The following ABHD12 variants were observed in gnomAD, a reference collection of about 807,000 sequenced individuals.
ABHD12 encodes abhydrolase domain containing 12, lysophospholipase.
In ABHD12, 43 loss-of-function variants were observed where a neutral mutation model predicts 58.3. That is an observed-to-expected ratio of 0.74 (90% confidence interval 0.58 to 0.95). The LOEUF is 0.95. Ranked by LOEUF, ABHD12 falls within the 40% of genes least tolerant of loss-of-function variation. ABHD12 has a pLI of 0.00. For missense variants in ABHD12, 539 were observed against 537.2 expected (o/e 1.00, Z -0.03); for synonymous variants, 219 against 211.2 (o/e 1.04, Z -0.32).
intron 11 of ABHD12, among the ~76,000 whole-genome samples, chr20:25,302,781 T>A (rs2088661503): frequency 6.6e-6 from 1 of 152,200 alleles, no homozygotes; most frequent in South Asian, 2.1e-4. Flanking sequence ...AGCTGTGCGC[T>A]GCTGGGCGGC....
intron 1 of ABHD12, among the ~76,000 whole-genome samples, chr20:25,356,939 A>G (rs2089676867): frequency 6.6e-6 from 1 of 152,212 alleles, no homozygotes; most frequent in Admixed American, 6.5e-5. Flanking sequence ...GCTCAAGGCC[A>G]GCCTGGGCAA....
intron 5 of ABHD12, among the ~76,000 whole-genome samples, chr20:25,315,762 C>T (rs1408563394): frequency 1.3e-5 from 2 of 152,190 alleles, no homozygotes; most frequent in Non-Finnish European, 2.9e-5. Context: ...CTCTCCCCAC[C>T]TTTCCTGACT....
At chr20:25,382,750 C>T (rs984071917) in intron 1 of ABHD12, among the ~76,000 whole-genome samples, 3 of 152,130 alleles carry the variant, frequency 2.0e-5, no homozygotes, top group Non-Finnish European at 4.4e-5. Context: ...CCATAGAAGG[C>T]GGACACTCCC....
At chr20:25,349,849 G>T (rs2089574670) in intron 1 of ABHD12, among the ~76,000 whole-genome samples, 1 of 152,192 alleles carries the variant, frequency 6.6e-6, no homozygotes, top group African/African-American at 2.4e-5. Flanking sequence ...CAATGTGAAA[G>T]TATTTAATGC....
intron 10 of ABHD12, among the ~76,000 whole-genome samples, chr20:25,305,524 G>A (rs6132826): frequency 0.4 from 61,386 of 151,640 alleles, 13,498 homozygotes; most frequent in East Asian, 0.92. Context: ...CACCACACCC[G>A]GCTAATTTTT....
intron 1 of ABHD12, among the ~76,000 whole-genome samples, chr20:25,382,151 G>C (rs935133278): frequency 1.3e-5 from 2 of 152,202 alleles, no homozygotes; most frequent in East Asian, 1.9e-4. Flanking sequence ...ACCCAAGCCA[G>C]AGAATCTGAA....
intron 1 of ABHD12, among the ~76,000 whole-genome samples, chr20:25,366,967 T>C (rs1260518700): frequency 6.6e-6 from 1 of 152,214 alleles, no homozygotes; most frequent in Non-Finnish European, 1.5e-5. Context: ...TTTTTTTTCT[T>C]TTTTGAATAT....
At chr20:25,324,696 G>C (rs1042591112) in intron 2 of ABHD12, among the ~76,000 whole-genome samples, 1 of 152,168 alleles carries the variant, frequency 6.6e-6, no homozygotes, top group Non-Finnish European at 1.5e-5. Context: ...CGAGGACATG[G>C]GGACATACAC....
chr20:25,295,781 G>C, downstream of ABHD12: 1 of 1,253,220 alleles, frequency 8.0e-7, no homozygotes, highest in Non-Finnish European at 1.2e-6. Flanking sequence ...CTGGGCCAGA[G>C]GGGTTTGTGA....
intron 1 of ABHD12, chr20:25,368,874 TC>T: frequency 2.3e-6 from 1 of 435,854 alleles, no homozygotes; most frequent in African/African-American, 2.0e-5. Flanking sequence ...TGCCTGTAAT[TC>T]CAGTGCTTTG....
At chr20:25,358,637 C>G (rs573412443) in intron 1 of ABHD12, among the ~76,000 whole-genome samples, 1 of 152,332 alleles carries the variant, frequency 6.6e-6, no homozygotes, top group African/African-American at 2.4e-5. Context: ...GGTACAAACT[C>G]CACATCTGCA....
intron 1 of ABHD12, among the ~76,000 whole-genome samples, chr20:25,373,702 A>G (rs1019136453): frequency 1.3e-5 from 2 of 149,298 alleles, no homozygotes; most frequent in Non-Finnish European, 3.0e-5. Context: ...TTTATCACTG[A>G]TTTTGAGCAA....
chr20:25,298,390 C>T (rs377356684), downstream of ABHD12, among the ~76,000 whole-genome samples: 8 of 152,180 alleles, frequency 5.3e-5, no homozygotes, highest in Admixed American at 2.6e-4. Context: ...CTCAGCCTCC[C>T]GAGTAGCTGG....
At chr20:25,380,739 T>TGTCCTAACTCATTGCCCAG (rs2090012491) in intron 1 of ABHD12, among the ~76,000 whole-genome samples, 1 of 152,168 alleles carries the variant, frequency 6.6e-6, no homozygotes, top group South Asian at 2.1e-4. Flanking sequence ...CTGACTCCTC[T>TGTCCTAACTCATTGCCCAG]GTCCTGACTT....
chr20:25,327,073 C>T (rs2089188883), intron 2 of ABHD12, among the ~76,000 whole-genome samples: 1 of 152,202 alleles, frequency 6.6e-6, no homozygotes, highest in African/African-American at 2.4e-5. Flanking sequence ...TTGGGGTAAA[C>T]ACCTACCCCC....
rs60459445 is a variant in ABHD12 at position 25,347,476 on chromosome 20, T to C, written c.192-8125A>G. Among the ~76,000 whole-genome samples, 997 of 152,248 alleles carry C rather than the reference T, an allele frequency of 6.5e-3. 16 individuals are homozygous for C. Among genetic ancestry groups the C allele is most frequent in the African/African-American group, 0.023 (955 of 41,550 alleles). ...ATTATTTTAATACCTAAGAGTATAG[T>C]TCCCATAATAAAATTTATTTTTTCT... On this transcript the variant is annotated intron_variant, in intron 1 of 12. Coordinates refer to ENST00000339157, the MANE Select transcript of ABHD12 (RefSeq NM_001042472.3).
intron 2 of ABHD12, among the ~76,000 whole-genome samples, chr20:25,333,829 T>C (rs565818851): frequency 2.0e-5 from 3 of 152,162 alleles, no homozygotes; most frequent in East Asian, 3.9e-4. Context: ...GAGCTATCTA[T>C]GACAAACCCA....
intron 7 of ABHD12, 150 bp from the exon 8 acceptor site, chr20:25,308,644 G>T: frequency 1.0e-6 from 1 of 1,001,272 alleles, no homozygotes; most frequent in Non-Finnish European, 1.5e-6. Flanking sequence ...GATCCCTCTA[G>T]CACTGGGGGT....
chr20:25,386,342 T>G (rs1304938500), intron 1 of ABHD12, among the ~76,000 whole-genome samples: 3 of 149,540 alleles, frequency 2.0e-5, no homozygotes, highest in African/African-American at 7.3e-5. Flanking sequence ...CGCTGCAAGC[T>G]CCACCTCCCG....
Sources: gnomAD v4.1 joint callset for allele counts (sites outside exome capture counted in the v4.1 genomes callset) on GRCh38, gnomAD v4.1.1 for gene constraint, MANE v1.5 for transcripts, NCBI Gene and HGNC (gene_info 2026-07-23, HGNC 2026-07-21) for gene names.